SEC61A2: variants seen among roughly 807,000 people sequenced by gnomAD.
The protein encoded by SEC61A2 is protein transport protein Sec61 subunit alpha isoform 2.
A neutral mutation model predicts 59.9 loss-of-function variants in SEC61A2; 28 were observed. That is an observed-to-expected ratio of 0.47 (90% confidence interval 0.35 to 0.64). SEC61A2 has a LOEUF of 0.64. SEC61A2 is among the 30% of genes least tolerant of loss of function. The pLI, the probability that SEC61A2 is intolerant of heterozygous loss-of-function variation, is 0.01. For synonymous variants in SEC61A2, 202 were observed against 214.4 expected, an observed-to-expected ratio of 0.94 and a Z score of 0.50; for missense variants, 340 against 585.9, an observed-to-expected ratio of 0.58 and a Z score of 4.33.
intron 3 of SEC61A2, among the ~76,000 whole-genome samples, chr10:12,141,677 A>G (rs1031390677): frequency 6.6e-6 from 1 of 152,238 alleles, no homozygotes; most frequent in African/African-American, 2.4e-5. Context: ...GCATCTATTT[A>G]CAGTGTCATA....
At chr10:12,169,196 A>G, downstream of SEC61A2, 1 of 1,096,678 alleles carries the variant, frequency 9.1e-7, no homozygotes, top group Non-Finnish European at 1.3e-6. This position sits in a 1 kb window ranked among gnomAD's most constrained non-coding sequence, Gnocchi z 4.8. Flanking sequence ...CCTCCTTTAT[A>G]GCCATAGTAG....
chr10:12,166,555 G>A, downstream of SEC61A2: 1 of 327,502 alleles, frequency 3.1e-6, no homozygotes, highest in East Asian at 8.3e-5. Context: ...GACAAACGGA[G>A]GCTACTGCAG....
At chr10:12,139,625 A>G (rs990637965) in intron 3 of SEC61A2, among the ~76,000 whole-genome samples, 1 of 151,980 alleles carries the variant, frequency 6.6e-6, no homozygotes, top group African/African-American at 2.4e-5. Flanking sequence ...TCTACTAAAA[A>G]TAGAAAAAAT....
chr10:12,136,755 G>A (rs1055364980), intron 3 of SEC61A2, among the ~76,000 whole-genome samples: 2 of 150,786 alleles, frequency 1.3e-5, no homozygotes, highest in Admixed American at 6.6e-5. Context: ...TCAGCCTCCC[G>A]AGTAGCTGGG....
Position 12,162,123 on chromosome 10 carries a change from A to AG in SEC61A2, c.1168-89dup, listed in dbSNP as rs1265138523. 9.6e-6 allele frequency: 9 copies of AG among 940,382 alleles called. No individual in the cohort carries two copies. The highest frequency in any genetic ancestry group is 1.6e-5 in the Non-Finnish European group (9 of 578,116). The allele number at this position is 940,382 out of a possible 1,614,324, so 58.3% of individuals were successfully genotyped here. On this transcript the variant is annotated intron_variant, in intron 10 of 11. Transcript: ENST00000298428. This position sits in a 1 kb window ranked among gnomAD's most constrained non-coding sequence, Gnocchi z 6.1. ...TTCAGGTTATTGTATGTTACGTGTTAGTGTGTGGCGAGCACTTCGCATAGA... is the reference window on the plus strand; with the variant it reads ...TTCAGGTTATTGTATGTTACGTGTTAGGTGTGTGGCGAGCACTTCGCATAGA...
chr10:12,169,128 G>A (rs1430936297), downstream of SEC61A2: 16 of 564,576 alleles, frequency 2.8e-5, no homozygotes, highest in East Asian at 1.2e-4. The surrounding 1 kb of genome is among the most constrained non-coding windows in gnomAD (Gnocchi z 4.8). Flanking sequence ...TTGAATAAAC[G>A]GTTTGATTAC....
At chr10:12,159,033 A>G (rs566363871) in intron 9 of SEC61A2, among the ~76,000 whole-genome samples, 123 of 146,802 alleles carry the variant, frequency 8.4e-4, no homozygotes, top group Admixed American at 2.0e-3. Flanking sequence ...GCTGGAGTGC[A>G]GTGGTACGAT....
intron 2 of SEC61A2, among the ~76,000 whole-genome samples, chr10:12,135,183 A>G (rs746584023): frequency 6.6e-6 from 1 of 152,000 alleles, no homozygotes; most frequent in Non-Finnish European, 1.5e-5. Flanking sequence ...GAGCATTAGG[A>G]CAAATACTAA....
rs79792010 is a variant in SEC61A2 at position 12,130,566 on chromosome 10, C to G, written c.7+772C>G. Among the ~76,000 whole-genome samples, 1,251 of 152,208 alleles carry G rather than the reference C, an allele frequency of 8.2e-3. 47 individuals carry two copies. In the East Asian group the frequency reaches 0.096, roughly 12 times the overall value. On this transcript the variant is annotated intron_variant, in intron 1 of 11. Transcript: ENST00000298428. ...AGACAGGGGGCAGCCAAAAGCTTTG[C>G]TTGAACATGAATACCCCTTACAGAT...
Position 12,162,692 on chromosome 10 carries a change from G to C in SEC61A2, c.1244+403G>C, listed in dbSNP as rs114702372. Among the ~76,000 whole-genome samples, 397 of 152,246 alleles carry C rather than the reference G, an allele frequency of 2.6e-3. 1 individual carries two copies. Among genetic ancestry groups the C allele is most frequent in the African/African-American group, 9.2e-3 (382 of 41,540 alleles). Reference sequence around the variant, plus strand: ...CAGATACCATGTAATTCACTCACTTGAAGTATATTGTTCAGTGTTTTTTAG... The same window carrying C: ...CAGATACCATGTAATTCACTCACTTCAAGTATATTGTTCAGTGTTTTTTAG... On this transcript the variant is annotated intron_variant, in intron 11 of 11. Transcript: ENST00000298428. This position sits in a 1 kb window ranked among gnomAD's most constrained non-coding sequence, Gnocchi z 6.1.
Position 12,154,692 on chromosome 10 carries a change from G to A in SEC61A2, c.463-1086G>A, listed in dbSNP as rs1467020078. Among the ~76,000 whole-genome samples the A allele has an allele frequency of 6.6e-6, 1 of 152,178 alleles. No homozygotes were observed. Among genetic ancestry groups the A allele is most frequent in the Non-Finnish European group, 1.5e-5 (1 of 68,034 alleles). On this transcript the variant is annotated intron_variant, in intron 6 of 11. Coordinates refer to ENST00000298428, the MANE Select transcript of SEC61A2 (RefSeq NM_018144.4). This position sits in a 1 kb window ranked among gnomAD's most constrained non-coding sequence, Gnocchi z 5.2. ...AGACTAAAAGCCTGTAAATAGACAA[G>A]TTAGGCTCTGTCCAACTACTGAAAT...
Position 12,155,829 on chromosome 10 carries a change from G to C in SEC61A2, c.514G>C (p.Gly172Arg). The C allele has an allele frequency of 1.2e-6, 2 of 1,614,212 alleles. No individual in the cohort carries two copies. Among genetic ancestry groups the C allele is most frequent in the Non-Finnish European group, 1.7e-6 (2 of 1,180,036 alleles). Residue 172 changes from glycine to arginine, a missense_variant, in exon 7 of 12, where the codon GGT (glycine) becomes CGT (arginine). By Grantham distance (125) the Gly-to-Arg change is moderately radical (BLOSUM62 -2). Coordinates refer to ENST00000298428, the MANE Select transcript of SEC61A2 (RefSeq NM_018144.4). This position sits in a 1 kb window ranked among gnomAD's most constrained non-coding sequence, Gnocchi z 4.3. ...GCTGTTAGATGAGCTGCTACAGAAG[G>C]GTTACGGCTTGGGGTCTGGGATTTC... ...VLLLDELLQK[G>R]YGLGSGISLF...
At chr10:12,169,262 A>G (rs773098255), downstream of SEC61A2, 54 of 1,549,282 alleles carry the variant, frequency 3.5e-5, no homozygotes, top group South Asian at 4.4e-4. This position sits in a 1 kb window ranked among gnomAD's most constrained non-coding sequence, Gnocchi z 4.8. Flanking sequence ...TCTAAGACCA[A>G]AAGTGAAGTT....
downstream of SEC61A2, chr10:12,169,870 C>A (rs1453731726): frequency 1.8e-5 from 7 of 390,820 alleles, no homozygotes; most frequent in Non-Finnish European, 9.1e-6. The surrounding 1 kb of genome is among the most constrained non-coding windows in gnomAD (Gnocchi z 4.8). Context: ...TGCTTCAAAT[C>A]ACATTTGAAG....
chr10:12,163,795 C>A (rs1462822020), intron 11 of SEC61A2, among the ~76,000 whole-genome samples: 2 of 152,184 alleles, frequency 1.3e-5, no homozygotes, highest in Admixed American at 6.5e-5. Flanking sequence ...TTTCACCTAT[C>A]ACTGCCTCTA....
chr10:12,165,950 A>C (rs1459978214), downstream of SEC61A2: 1 of 150,894 alleles, frequency 6.6e-6, no homozygotes, highest in Non-Finnish European at 1.5e-5. Flanking sequence ...TATGGCTTTT[A>C]ATACATAGGA....
Position 12,152,378 on chromosome 10 carries a change from C to T in SEC61A2, c.462+2417C>T, listed in dbSNP as rs1022234622. Among the ~76,000 whole-genome samples, 1 of 150,400 alleles carries T rather than the reference C, an allele frequency of 6.6e-6. No individual in the cohort carries two copies. Among genetic ancestry groups the T allele is most frequent in the Non-Finnish European group, 1.5e-5 (1 of 67,486 alleles). ...TACAGGCGTGAGCCACCACGCCCCGCCCAGGGCAGGAATTTTTAATGAAAA... is the reference window on the plus strand; with the variant it reads ...TACAGGCGTGAGCCACCACGCCCCGTCCAGGGCAGGAATTTTTAATGAAAA... On this transcript the variant is annotated intron_variant, in intron 6 of 11. Coordinates refer to ENST00000298428, the MANE Select transcript of SEC61A2 (RefSeq NM_018144.4). The surrounding 1 kb of genome is among the most constrained non-coding windows in gnomAD (Gnocchi z 5.5).
At chr10:12,169,687 G>A (rs374050758), downstream of SEC61A2, 7 of 227,728 alleles carry the variant, frequency 3.1e-5, no homozygotes, top group East Asian at 3.9e-4. The surrounding 1 kb of genome is among the most constrained non-coding windows in gnomAD (Gnocchi z 4.8). Context: ...TAAGGGATAC[G>A]AAATCTGATT....
chr10:12,162,021 T>C lies in SEC61A2; in HGVS notation c.1168-192T>C, dbSNP rs1834540930. ...GAAGGGTTGAGAAGCACCGGTTTCATATGGGTAACATGGAGCGGAGGAGCA... is the reference window on the plus strand; with the variant it reads ...GAAGGGTTGAGAAGCACCGGTTTCACATGGGTAACATGGAGCGGAGGAGCA... On this transcript the variant is annotated intron_variant, in intron 10 of 11. Transcript: ENST00000298428. The surrounding 1 kb of genome is among the most constrained non-coding windows in gnomAD (Gnocchi z 6.1). 6.6e-6 allele frequency among the ~76,000 whole-genome samples: 1 copy of C among 152,204 alleles called. No homozygotes were observed. The highest frequency in any genetic ancestry group is 2.1e-4 in the South Asian group (1 of 4,826).
Sources: allele counts gnomAD v4.1 joint callset (sites outside exome capture counted in the v4.1 genomes callset), GRCh38; gene constraint gnomAD v4.1.1; non-coding constraint Gnocchi (gnomAD v3.1); transcripts MANE v1.5; gene names NCBI Gene and HGNC (gene_info 2026-07-23, HGNC 2026-07-21).